COG5: variants seen among roughly 807,000 people sequenced by gnomAD.
The protein encoded by COG5 is component of oligomeric golgi complex 5.
COG5 carries 86 observed loss-of-function variants against 110.4 expected under a neutral mutation model. The ratio of observed to expected loss-of-function variants is 0.78; its 90% CI spans 0.65 to 0.93. COG5 has a LOEUF of 0.93. Among genes scored for constraint, COG5 ranks in the 40% least tolerant of loss-of-function variants. The probability of loss-of-function intolerance (pLI) is 0.00; values close to 1 mark genes in which losing one functional copy is unlikely to be tolerated. For missense variants in COG5, 1,077 were observed against 987.0 expected, an observed-to-expected ratio of 1.09 and a Z score of -1.22; for synonymous variants, 360 against 334.6, an observed-to-expected ratio of 1.08 and a Z score of -0.83.
chr7:107,460,969 CAT>C (rs1056603641), intron 6 of COG5, among the ~76,000 whole-genome samples: 1 of 151,976 alleles, frequency 6.6e-6, no homozygotes, highest in African/African-American at 2.4e-5. Context: ...CTTTGAACAA[CAT>C]AAAACTTCTT....
At chr7:107,415,957 T>TATATATACACACACATACAC (rs1792788492) in intron 6 of COG5, among the ~76,000 whole-genome samples, 2 of 124,172 alleles carry the variant, frequency 1.6e-5, no homozygotes, top group African/African-American at 5.6e-5. Context: ...TGTATGTGTG[T>TATATATACACACACATACAC]GTATATACAC....
At chr7:107,295,066 C>CACATATATATAT (rs1366898060) in intron 12 of COG5, among the ~76,000 whole-genome samples, 3 of 45,844 alleles carry the variant, frequency 6.5e-5, no homozygotes, top group African/African-American at 9.0e-5. Context: ...CACACACACA[C>CACATATATATAT]ATATATATAT....
At chr7:107,362,592 C>T (rs1044723893) in intron 8 of COG5, among the ~76,000 whole-genome samples, 172 bp from the exon 9 acceptor site, 3 of 151,976 alleles carry the variant, frequency 2.0e-5, no homozygotes, top group South Asian at 2.1e-4. Flanking sequence ...GAAAGGGAAG[C>T]GACACATACC....
rs1489778471 is a variant in COG5, at chr7:107,507,467, G to GT, written c.538+19769dup. ...CACCACCATGCCCAGCTAATTTTTT[G>GT]TATTTTTTTTTTTTTTTTTTTAGTA... On this transcript the variant is annotated intron_variant, in intron 6 of 21. Transcript: ENST00000297135. 0.011 allele frequency among the ~76,000 whole-genome samples: 1,250 copies of GT among 112,504 alleles called. 65 individuals carry two copies. In the East Asian group the frequency reaches 0.16, roughly 15 times the overall value. The allele number at this position is 112,504 out of a possible 152,430, so 73.8% of individuals were successfully genotyped here.
intron 19 of COG5, among the ~76,000 whole-genome samples, chr7:107,212,080 T>C (rs1052396873): frequency 2.0e-5 from 3 of 152,180 alleles, no homozygotes; most frequent in African/African-American, 4.8e-5. Flanking sequence ...CTGTACAAAA[T>C]AGAGAAGCGA....
intron 19 of COG5, among the ~76,000 whole-genome samples, chr7:107,227,276 T>C (rs1227258817): frequency 6.6e-6 from 1 of 152,182 alleles, no homozygotes; most frequent in African/African-American, 2.4e-5. Context: ...TGGGTGTCCA[T>C]GTATATGTAT....
intron 14 of COG5, 199 bp from the exon 15 acceptor site, chr7:107,258,582 T>C (rs1008207347): frequency 1.6e-6 from 1 of 606,900 alleles, no homozygotes; most frequent in Non-Finnish European, 3.0e-6. Flanking sequence ...AAACCAGCAA[T>C]CTGTGTAGAG....
intron 6 of COG5, among the ~76,000 whole-genome samples, chr7:107,526,952 T>C (rs990242102): frequency 6.6e-5 from 10 of 152,192 alleles, no homozygotes; most frequent in African/African-American, 2.4e-4. Flanking sequence ...TTCTGTATCA[T>C]GACTGTAATG....
rs550519032 is a variant in COG5 at position 107,555,801 on chromosome 7, C to G, written c.235-1459G>C. The stretch of plus-strand genomic sequence containing the variant: ...CCGAGGTGGGTGGATCATTTGAGGT[C>G]AGGAGTTTGAGACCAGCCTGGCCAA... On this transcript the variant is annotated intron_variant, in intron 2 of 21. Transcript: ENST00000297135. Among the ~76,000 whole-genome samples, 20 of 152,144 alleles carry G rather than the reference C, an allele frequency of 1.3e-4. No homozygotes were observed. In the South Asian group the frequency reaches 4.2e-3, roughly 32 times the overall value.
At chr7:107,270,180 T>C (rs943337077) in intron 14 of COG5, among the ~76,000 whole-genome samples, 2 of 152,036 alleles carry the variant, frequency 1.3e-5, no homozygotes, top group African/African-American at 4.8e-5. Context: ...ATGGTAAAAA[T>C]TGAAACAGAA....
intron 6 of COG5, among the ~76,000 whole-genome samples, chr7:107,415,968 A>G (rs1563021634): frequency 7.9e-6 from 1 of 126,624 alleles, no homozygotes; most frequent in East Asian, 2.5e-4. Context: ...GTATATACAC[A>G]CACATACACG....
intron 10 of COG5, among the ~76,000 whole-genome samples, chr7:107,345,087 G>C (rs1006002828): frequency 6.6e-6 from 1 of 152,112 alleles, no homozygotes; most frequent in Non-Finnish European, 1.5e-5. Flanking sequence ...CAATATTGTT[G>C]TGTCTCAGGA....
At chr7:107,520,768 A>G (rs1800267165) in intron 6 of COG5, among the ~76,000 whole-genome samples, 1 of 152,184 alleles carries the variant, frequency 6.6e-6, no homozygotes, top group South Asian at 2.1e-4. Context: ...TACCATTAAC[A>G]TTCTTCACAG....
intron 9 of COG5, 40 bp downstream of exon 9, chr7:107,362,268 A>G: frequency 6.7e-7 from 1 of 1,500,860 alleles, no homozygotes; most frequent in Non-Finnish European, 9.3e-7. Flanking sequence ...ACCAGGAGTT[A>G]ATCCATATTA....
chr7:107,203,858 A>G (rs1296512428), intron 21 of COG5, among the ~76,000 whole-genome samples: 1 of 152,062 alleles, frequency 6.6e-6, no homozygotes, highest in East Asian at 1.9e-4. Flanking sequence ...TTCAGTCTGC[A>G]TTGTTCTTAG....
intron 5 of COG5, among the ~76,000 whole-genome samples, chr7:107,531,643 G>T (rs1324535019): frequency 6.7e-6 from 1 of 149,468 alleles, no homozygotes; most frequent in Non-Finnish European, 1.5e-5. Flanking sequence ...GTGAGGGCGG[G>T]GGGGAGGTGG....
intron 12 of COG5, among the ~76,000 whole-genome samples, chr7:107,294,255 C>T (rs185706494): frequency 3.9e-5 from 6 of 152,184 alleles, no homozygotes; most frequent in African/African-American, 1.4e-4. Flanking sequence ...GTCAGTCTTC[C>T]ATTAACTAGT....
chr7:107,493,166 C>G (rs915921613), intron 6 of COG5, among the ~76,000 whole-genome samples: 8 of 152,162 alleles, frequency 5.3e-5, no homozygotes, highest in Non-Finnish European at 1.0e-4. Flanking sequence ...CTCTCTTACC[C>G]TTCTACCTTC....
chr7:107,396,219 A>T (rs1563009213), intron 7 of COG5, among the ~76,000 whole-genome samples: 1 of 152,188 alleles, frequency 6.6e-6, no homozygotes, highest in Non-Finnish European at 1.5e-5. Context: ...CACATTAAAT[A>T]CCATAATTTA....
Sources: gnomAD v4.1 joint callset for allele counts (sites outside exome capture counted in the v4.1 genomes callset) on GRCh38, gnomAD v4.1.1 for gene constraint, MANE v1.5 for transcripts, NCBI Gene and HGNC (gene_info 2026-07-23, HGNC 2026-07-21) for gene names.